SLX4IP: variants seen among roughly 807,000 people sequenced by gnomAD.
The protein encoded by SLX4IP is SLX4 interacting protein, also known as protein SLX4IP.
SLX4IP carries 34 observed loss-of-function variants against 32.9 expected under a neutral mutation model. The ratio of observed to expected loss-of-function variants is 1.03; its 90% CI spans 0.79 to 1.38. The LOEUF (loss-of-function observed/expected upper bound fraction) is 1.38. SLX4IP is among the 40% of genes most tolerant of loss of function. The probability of loss-of-function intolerance (pLI) is 0.00; values close to 1 mark genes in which losing one functional copy is unlikely to be tolerated. For synonymous variants in SLX4IP, 172 were observed against 171.7 expected, an observed-to-expected ratio of 1.00 and a Z score of -0.01; for missense variants, 444 against 479.0, an observed-to-expected ratio of 0.93 and a Z score of 0.68.
intron 6 of SLX4IP, chr20:10,613,159 A>C (rs1250774454): frequency 2.1e-6 from 1 of 473,662 alleles, no homozygotes; most frequent in Non-Finnish European, 3.8e-6. Flanking sequence ...AGATCCATGG[A>C]GGCAAGTGCT....
chr20:10,525,764 G>A (rs1312256280), intron 2 of SLX4IP, among the ~76,000 whole-genome samples: 1 of 152,126 alleles, frequency 6.6e-6, no homozygotes, highest in African/African-American at 2.4e-5. Flanking sequence ...GTTGCTTTCT[G>A]GACCAACTGC....
chr20:10,601,994 A>G (rs1418081859), intron 6 of SLX4IP, among the ~76,000 whole-genome samples, 175 bp downstream of exon 6: 2 of 152,240 alleles, frequency 1.3e-5, no homozygotes, highest in Non-Finnish European at 2.9e-5. Flanking sequence ...TAATTCGTGT[A>G]TTGTTCTTCT....
chr20:10,532,667 C>A (rs900716971), intron 2 of SLX4IP, among the ~76,000 whole-genome samples: 2 of 152,090 alleles, frequency 1.3e-5, no homozygotes, highest in South Asian at 2.1e-4. Flanking sequence ...CTTTTAGTGC[C>A]CCTCTCCAAG....
chr20:10,570,561 C>A (rs555627860), intron 4 of SLX4IP, among the ~76,000 whole-genome samples: 17 of 151,202 alleles, frequency 1.1e-4, no homozygotes, highest in African/African-American at 3.9e-4. Context: ...CGGAGTCTTG[C>A]TTCTTTGCCC....
chr20:10,448,754 T>A (rs2065220571), intron 1 of SLX4IP, among the ~76,000 whole-genome samples: 1 of 152,230 alleles, frequency 6.6e-6, no homozygotes, highest in South Asian at 2.1e-4. Flanking sequence ...GGCAGTGATG[T>A]GTTTATTGCT....
intron 6 of SLX4IP, among the ~76,000 whole-genome samples, chr20:10,610,703 C>T (rs906846740): frequency 6.6e-6 from 1 of 152,246 alleles, no homozygotes; most frequent in African/African-American, 2.4e-5. Flanking sequence ...ACTTCAGTCC[C>T]AGTGGAATTC....
intron 6 of SLX4IP, among the ~76,000 whole-genome samples, chr20:10,607,620 C>T (rs1332677071): frequency 6.6e-6 from 1 of 152,148 alleles, no homozygotes; most frequent in Non-Finnish European, 1.5e-5. Flanking sequence ...CAGCAAGTGG[C>T]CTACGATGGG....
At chr20:10,436,443 G>A (rs766272475) in intron 1 of SLX4IP, among the ~76,000 whole-genome samples, 1 of 151,740 alleles carries the variant, frequency 6.6e-6, no homozygotes, top group Admixed American at 6.6e-5. Flanking sequence ...TGCCATCTCC[G>A]CCCCCCGGGT....
At chr20:10,558,451 C>CT (rs1276685517) in intron 3 of SLX4IP, among the ~76,000 whole-genome samples, 2 of 151,786 alleles carry the variant, frequency 1.3e-5, no homozygotes, top group Admixed American at 1.3e-4. Flanking sequence ...ATGACTTTAG[C>CT]TTAGGTTCAG....
At chr20:10,526,311 T>A in intron 2 of SLX4IP, among the ~76,000 whole-genome samples, 1 of 152,240 alleles carries the variant, frequency 6.6e-6, no homozygotes, top group East Asian at 1.9e-4. Context: ...ATTTAGCTCT[T>A]GCTCAACTTT....
chr20:10,561,836 C>A (rs1418859630), intron 4 of SLX4IP, among the ~76,000 whole-genome samples: 2 of 152,188 alleles, frequency 1.3e-5, no homozygotes, highest in Admixed American at 6.5e-5. Flanking sequence ...TTAATTCATT[C>A]CTTTTTATGG....
chr20:10,499,903 A>G (rs2065701079), intron 2 of SLX4IP, among the ~76,000 whole-genome samples: 1 of 152,200 alleles, frequency 6.6e-6, no homozygotes, highest in Non-Finnish European at 1.5e-5. Flanking sequence ...AATAAACCCA[A>G]TAACTGAATT....
At chr20:10,540,994 T>C (rs1171971735) in intron 2 of SLX4IP, among the ~76,000 whole-genome samples, 2 of 152,222 alleles carry the variant, frequency 1.3e-5, no homozygotes, top group Admixed American at 6.5e-5. Flanking sequence ...CAGAGCAGAA[T>C]AGTGAGGGAA....
chr20:10,484,549 A>G (rs1274976031), intron 2 of SLX4IP, among the ~76,000 whole-genome samples: 2 of 152,162 alleles, frequency 1.3e-5, no homozygotes, highest in African/African-American at 4.8e-5. Flanking sequence ...TGTGAGGCAC[A>G]CAGTGATACC....
intron 2 of SLX4IP, among the ~76,000 whole-genome samples, chr20:10,507,660 T>C (rs2065770892): frequency 6.6e-6 from 1 of 152,104 alleles, no homozygotes; most frequent in South Asian, 2.1e-4. Flanking sequence ...TTTGCAGGGA[T>C]AGACACATGG....
chr20:10,486,202 T>TTA (rs2065572262), intron 2 of SLX4IP, among the ~76,000 whole-genome samples: 1 of 145,452 alleles, frequency 6.9e-6, no homozygotes, highest in Admixed American at 7.1e-5. Flanking sequence ...TTTTTTTTTT[T>TTA]ACTAGGTAGG....
chr20:10,516,076 C>T (rs532557654), intron 2 of SLX4IP, among the ~76,000 whole-genome samples: 3 of 152,058 alleles, frequency 2.0e-5, no homozygotes, highest in Non-Finnish European at 2.9e-5. Context: ...TTTGTAGAGA[C>T]GGGGTTTCAC....
chr20:10,613,958 G>A (rs1354873333), intron 6 of SLX4IP: 2 of 1,170,618 alleles, frequency 1.7e-6, no homozygotes, highest in African/African-American at 3.0e-5. Flanking sequence ...GCACAGGAGA[G>A]TCCTCGTCCA....
At chr20:10,442,207 G>T (rs113496674) in intron 1 of SLX4IP, among the ~76,000 whole-genome samples, 17 of 152,314 alleles carry the variant, frequency 1.1e-4, no homozygotes, top group African/African-American at 3.8e-4. Flanking sequence ...AGACAAATGT[G>T]AATTTCAGAG....
Sources: gnomAD v4.1 joint callset for allele counts (sites outside exome capture counted in the v4.1 genomes callset) on GRCh38, gnomAD v4.1.1 for gene constraint, MANE v1.5 for transcripts, NCBI Gene and HGNC (gene_info 2026-07-23, HGNC 2026-07-21) for gene names.